Variants in SLC27A2 observed in about 807,000 individuals in gnomAD.
The protein encoded by SLC27A2 is solute carrier family 27 member 2.
In SLC27A2, 54 loss-of-function variants were observed where a neutral mutation model predicts 60.0. The ratio of observed to expected loss-of-function variants is 0.90; its 90% CI spans 0.72 to 1.13. The LOEUF is 1.13. Among genes scored for constraint, SLC27A2 ranks in the 50% most tolerant of loss-of-function variants. The pLI is 0.00. For missense variants in SLC27A2, 739 were observed against 777.6 expected (o/e 0.95, Z 0.59); for synonymous variants, 297 against 297.6 (o/e 1.00, Z 0.02).
Position 50,182,998 on chromosome 15 carries a change from G to A in SLC27A2, c.478+93G>A, listed in dbSNP as rs2044880078. On this transcript the variant is annotated intron_variant, in intron 1 of 9. Coordinates refer to ENST00000267842, the MANE Select transcript of SLC27A2 (RefSeq NM_003645.4). ...GTGGCATAAGGGGTTCGCAGAGGGAGGTTCAGATCGGAACTGTAGGTATAG... is the reference window on the plus strand; with the variant it reads ...GTGGCATAAGGGGTTCGCAGAGGGAAGTTCAGATCGGAACTGTAGGTATAG... The A allele has an allele frequency of 2.4e-6, 3 of 1,265,814 alleles. No individual in the cohort carries two copies. The East Asian group carries it at 7.0e-5, about 29-fold the overall frequency. The allele number at this position is 1,265,814 out of a possible 1,614,324, so 78.4% of individuals were successfully genotyped here. A position where few individuals can be genotyped will look rare whatever the true frequency, so the allele number is the denominator to read the frequency against.
At chr15:50,234,341 A>G (rs532666068) in intron 9 of SLC27A2, among the ~76,000 whole-genome samples, 1 of 152,182 alleles carries the variant, frequency 6.6e-6, no homozygotes, top group East Asian at 1.9e-4. Context: ...TAATCCTAAC[A>G]CTTTGGGAGA....
chr15:50,210,676 A>T (rs1479712353), intron 4 of SLC27A2, among the ~76,000 whole-genome samples: 2 of 152,024 alleles, frequency 1.3e-5, no homozygotes, highest in Admixed American at 6.6e-5. Context: ...TGGCTTGCAG[A>T]CTCCACAGGC....
At chr15:50,227,825 A>G (rs2045288485) in intron 7 of SLC27A2, among the ~76,000 whole-genome samples, 1 of 152,162 alleles carries the variant, frequency 6.6e-6, no homozygotes. Context: ...TTTTGCATGA[A>G]TGAATGAGGA....
chr15:50,211,474 A>C (rs1431807835), intron 4 of SLC27A2, among the ~76,000 whole-genome samples: 1 of 152,162 alleles, frequency 6.6e-6, no homozygotes, highest in Non-Finnish European at 1.5e-5. Context: ...CAAAATTCTG[A>C]ACAACACCCT....
At chr15:50,191,906 A>T (rs2044977106) in intron 1 of SLC27A2, among the ~76,000 whole-genome samples, 1 of 152,104 alleles carries the variant, frequency 6.6e-6, no homozygotes, top group Admixed American at 6.5e-5. Flanking sequence ...CTAAAAATAC[A>T]AACATTAGCC....
chr15:50,190,617 TAAAA>T (rs10532098), intron 1 of SLC27A2, among the ~76,000 whole-genome samples: 6 of 147,926 alleles, frequency 4.1e-5, no homozygotes, highest in Non-Finnish European at 7.5e-5. Context: ...CCTTTTTCCT[TAAAA>T]AAAAAAAAAA....
intron 4 of SLC27A2, among the ~76,000 whole-genome samples, chr15:50,220,691 A>G (rs927812922): frequency 6.6e-6 from 1 of 152,178 alleles, no homozygotes; most frequent in African/African-American, 2.4e-5. Flanking sequence ...GAATACTGAC[A>G]GTCCTTATGG....
intron 1 of SLC27A2, 35 bp downstream of exon 1, chr15:50,182,940 G>A: frequency 6.4e-7 from 1 of 1,558,708 alleles, no homozygotes; most frequent in Admixed American, 1.8e-5. Flanking sequence ...CTGGCACCAG[G>A]GCTTCTCGGC....
chr15:50,183,006 T>TAGAAAA, intron 1 of SLC27A2, 101 bp downstream of exon 1: 1 of 1,194,032 alleles, frequency 8.4e-7, no homozygotes, highest in East Asian at 2.3e-5. Context: ...GAGGTTCAGA[T>TAGAAAA]CGGAACTGTA....
chr15:50,234,611 T>C (rs62020324), intron 9 of SLC27A2, among the ~76,000 whole-genome samples: 1 of 147,730 alleles, frequency 6.8e-6, no homozygotes, highest in Non-Finnish European at 1.5e-5. Context: ...AAAAAAAAAT[T>C]AGCCAGGCAT....
intron 4 of SLC27A2, among the ~76,000 whole-genome samples, chr15:50,217,708 C>T (rs1175869886): frequency 6.6e-6 from 1 of 152,030 alleles, no homozygotes; most frequent in African/African-American, 2.4e-5. Context: ...CACCAAGCAC[C>T]TGAGGAACGC....
At chr15:50,193,305 G>T (rs2140897275) in intron 1 of SLC27A2, among the ~76,000 whole-genome samples, 1 of 152,262 alleles carries the variant, frequency 6.6e-6, no homozygotes, top group South Asian at 2.1e-4. Context: ...AATTTATTTT[G>T]ATTTTTGTTT....
At chr15:50,232,547 C>A (rs576219248) in intron 8 of SLC27A2, among the ~76,000 whole-genome samples, 3 of 152,272 alleles carry the variant, frequency 2.0e-5, no homozygotes, top group South Asian at 2.1e-4. Flanking sequence ...ACCATTCCCC[C>A]TGAAGCTGAA....
At chr15:50,231,141 C>CTTT (rs34060039) in intron 8 of SLC27A2, among the ~76,000 whole-genome samples, 1 of 128,580 alleles carries the variant, frequency 7.8e-6, no homozygotes, top group Admixed American at 8.0e-5. Context: ...GAATTGTACA[C>CTTT]TTTTTTTTTT....
At chr15:50,219,511 A>G (rs367688984) in intron 4 of SLC27A2, among the ~76,000 whole-genome samples, 35 of 149,414 alleles carry the variant, frequency 2.3e-4, no homozygotes, top group African/African-American at 7.4e-4. Context: ...CGCCCTCTCA[A>G]GTGCAGGGCT....
intron 1 of SLC27A2, among the ~76,000 whole-genome samples, chr15:50,195,817 A>G (rs2045010343): frequency 6.6e-6 from 1 of 151,206 alleles, no homozygotes. Flanking sequence ...GCACTTTGGG[A>G]GGCCGAGGCG....
chr15:50,235,622 C>T (rs927246488), intron 9 of SLC27A2, among the ~76,000 whole-genome samples: 4 of 152,122 alleles, frequency 2.6e-5, no homozygotes, highest in African/African-American at 9.7e-5. Flanking sequence ...GTTACTTGCC[C>T]CTACCACAAA....
intron 5 of SLC27A2, among the ~76,000 whole-genome samples, chr15:50,223,697 G>A (rs182998713): frequency 5.9e-5 from 9 of 152,276 alleles, no homozygotes; most frequent in East Asian, 1.9e-4. Context: ...TCACATAGCC[G>A]TCTCTTTTCC....
At chr15:50,231,627 A>C (rs773550472) in intron 8 of SLC27A2, among the ~76,000 whole-genome samples, 13 of 152,240 alleles carry the variant, frequency 8.5e-5, no homozygotes, top group South Asian at 2.1e-4. Context: ...CTAATGGACC[A>C]GAAGCTCTGG....
Sources: gnomAD v4.1 joint callset for allele counts (sites outside exome capture counted in the v4.1 genomes callset) on GRCh38, gnomAD v4.1.1 for gene constraint, MANE v1.5 for transcripts, NCBI Gene and HGNC (gene_info 2026-07-23, HGNC 2026-07-21) for gene names.